Variants in TCERG1L observed in about 807,000 individuals in gnomAD.
TCERG1L encodes transcription elongation regulator 1 like.
TCERG1L carries 37 observed loss-of-function variants against 56.3 expected under a neutral mutation model. The ratio of observed to expected loss-of-function variants is 0.66; its 90% CI spans 0.51 to 0.87. TCERG1L has a LOEUF of 0.87. Ranked by LOEUF, TCERG1L falls within the 40% of genes least tolerant of loss-of-function variation. TCERG1L has a pLI of 0.00. For synonymous variants in TCERG1L, 324 were observed against 326.3 expected (o/e 0.99, Z 0.08); for missense variants, 799 against 774.2 (o/e 1.03, Z -0.38).
intron 3 of TCERG1L, among the ~76,000 whole-genome samples, chr10:131,304,964 C>T (rs1316778142): frequency 1.3e-5 from 2 of 152,130 alleles, no homozygotes; most frequent in African/African-American, 4.8e-5. Flanking sequence ...GCAGCCCACA[C>T]TTGGCTACTT....
chr10:131,125,854 A>G (rs1307420685), intron 8 of TCERG1L, among the ~76,000 whole-genome samples: 1 of 152,234 alleles, frequency 6.6e-6, no homozygotes, highest in Non-Finnish European at 1.5e-5. Flanking sequence ...AGGTGAACTC[A>G]GCAGGAGCAG....
intron 6 of TCERG1L, among the ~76,000 whole-genome samples, chr10:131,153,984 C>T (rs980735496): frequency 6.6e-6 from 1 of 152,168 alleles, no homozygotes; most frequent in East Asian, 1.9e-4. Flanking sequence ...GAGAAATCCA[C>T]CCATCCACTC....
At chr10:131,259,951 G>A (rs558916398) in intron 4 of TCERG1L, among the ~76,000 whole-genome samples, 19 of 152,364 alleles carry the variant, frequency 1.2e-4, no homozygotes, top group African/African-American at 4.1e-4. Context: ...ACTCCCAGAC[G>A]CATGCATGAC....
intron 4 of TCERG1L, among the ~76,000 whole-genome samples, chr10:131,252,352 G>A (rs1589762273): frequency 6.6e-6 from 1 of 152,274 alleles, no homozygotes; most frequent in African/African-American, 2.4e-5. Context: ...TTGCTTTAGG[G>A]ATGTTCGTTC....
intron 7 of TCERG1L, among the ~76,000 whole-genome samples, chr10:131,142,340 C>T (rs117511734): frequency 0.042 from 6,461 of 152,296 alleles, 165 homozygotes; most frequent in Middle Eastern, 0.14. Context: ...CCAAGTGCCC[C>T]GGCTGCCTGG....
Position 131,116,938 on chromosome 10 carries a change from C to T in TCERG1L, c.1260-4G>A, listed in dbSNP as rs1202597572. ...GGGACTCCCGCAGCCTTCGGTCCTTCAGGAACACAAGACGCAGAGTTAGAC... is the reference window on the plus strand; with the variant it reads ...GGGACTCCCGCAGCCTTCGGTCCTTTAGGAACACAAGACGCAGAGTTAGAC... On this transcript the variant is annotated splice_region_variant and splice_polypyrimidine_tract_variant and intron_variant, in intron 8 of 11. Transcript: ENST00000368642. The T allele has an allele frequency of 1.9e-6, 3 of 1,607,776 alleles. No individual in the cohort carries two copies. Among genetic ancestry groups the T allele is most frequent in the South Asian group, 1.1e-5 (1 of 89,534 alleles).
chr10:131,231,843 T>A (rs138213663), intron 4 of TCERG1L, among the ~76,000 whole-genome samples: 53 of 152,192 alleles, frequency 3.5e-4, no homozygotes, highest in African/African-American at 1.2e-3. Context: ...GGGCTCTCCC[T>A]CTCCACATGT....
chr10:131,133,912 C>T (rs540423956), intron 8 of TCERG1L, among the ~76,000 whole-genome samples: 22 of 152,328 alleles, frequency 1.4e-4, no homozygotes, highest in African/African-American at 4.8e-4. Flanking sequence ...CCACTGGGGC[C>T]TCTGCAAAGC....
chr10:131,284,351 T>A (rs1330004963), intron 3 of TCERG1L, among the ~76,000 whole-genome samples: 1 of 151,932 alleles, frequency 6.6e-6, no homozygotes, highest in African/African-American at 2.4e-5. Flanking sequence ...AATTTAAATA[T>A]GAAACTGAGT....
intron 9 of TCERG1L, among the ~76,000 whole-genome samples, chr10:131,115,186 G>A (rs1845444663): frequency 6.6e-6 from 1 of 152,220 alleles, no homozygotes; most frequent in Non-Finnish European, 1.5e-5. Flanking sequence ...GTCACTGGCT[G>A]GACACTTGGA....
intron 9 of TCERG1L, among the ~76,000 whole-genome samples, chr10:131,107,738 T>TAC (rs1486073056): frequency 6.6e-6 from 1 of 151,884 alleles, no homozygotes; most frequent in Non-Finnish European, 1.5e-5. Context: ...TGTGTGACTA[T>TAC]ACACACACAC....
intron 3 of TCERG1L, among the ~76,000 whole-genome samples, chr10:131,265,155 G>A (rs1258044881): frequency 7.2e-5 from 11 of 152,138 alleles, no homozygotes. Context: ...TGTTTTACAA[G>A]GAACAGATAC....
At position 131,203,702 on chromosome 10, in the gene TCERG1L, G is replaced by A. The variant is rs546417859; in HGVS notation, c.857-36817C>T. 2.7e-3 allele frequency among the ~76,000 whole-genome samples: 416 copies of A among 152,314 alleles called. 1 individual carries two copies. Among genetic ancestry groups the A allele is most frequent in the African/African-American group, 9.8e-3 (408 of 41,572 alleles). ...TGGAATCCAGAGGCCAGTAGGGGCC[G>A]GGAGGTGGGGAAGGCACTCTCCTAA... is the stretch of plus-strand genomic sequence containing the variant. On this transcript the variant is annotated intron_variant, in intron 4 of 11. Transcript: ENST00000368642.
intron 8 of TCERG1L, among the ~76,000 whole-genome samples, chr10:131,125,597 A>G: frequency 6.6e-6 from 1 of 152,236 alleles, no homozygotes; most frequent in East Asian, 1.9e-4. Context: ...TGTGCAGTGC[A>G]GAAACGTGCC....
At position 131,137,777 on chromosome 10, in the gene TCERG1L, C is replaced by T. The variant is rs377748830; in HGVS notation, c.1190-3329G>A. 4.6e-5 allele frequency among the ~76,000 whole-genome samples: 7 copies of T among 152,294 alleles called. No homozygotes were observed. The Middle Eastern group carries it at 0.01, about 222-fold the overall frequency. Reference sequence around the variant, plus strand: ...AGCTTTCCTAATTATGATCCAGACTCATAAACAAAAATATGTATAAATTTA... The same window carrying T: ...AGCTTTCCTAATTATGATCCAGACTTATAAACAAAAATATGTATAAATTTA... On this transcript the variant is annotated intron_variant, in intron 7 of 11. Coordinates refer to ENST00000368642, the MANE Select transcript of TCERG1L (RefSeq NM_174937.4).
At chr10:131,264,958 G>C (rs963432042) in intron 3 of TCERG1L, among the ~76,000 whole-genome samples, 3 of 152,200 alleles carry the variant, frequency 2.0e-5, no homozygotes, top group Non-Finnish European at 2.9e-5. Flanking sequence ...GAGGGAAAGA[G>C]AACGGGGAGT....
chr10:131,263,024 T>TGATA (rs1163138646), intron 3 of TCERG1L, among the ~76,000 whole-genome samples: 2 of 152,254 alleles, frequency 1.3e-5, no homozygotes, highest in Non-Finnish European at 2.9e-5. Context: ...TATTGTTGAA[T>TGATA]GATACTCCAT....
intron 6 of TCERG1L, among the ~76,000 whole-genome samples, chr10:131,158,077 G>A (rs953481482): frequency 2.6e-5 from 4 of 152,208 alleles, no homozygotes; most frequent in Non-Finnish European, 2.9e-5. Context: ...GCCACCTCTC[G>A]GCAGCGACAA....
chr10:131,132,095 G>T (rs1021267597), intron 8 of TCERG1L, among the ~76,000 whole-genome samples: 16 of 152,332 alleles, frequency 1.1e-4, no homozygotes, highest in Admixed American at 7.8e-4. Flanking sequence ...TGCTTCGGAA[G>T]AGCTTTGGGA....
Sources: allele counts gnomAD v4.1 joint callset (sites outside exome capture counted in the v4.1 genomes callset), GRCh38; gene constraint gnomAD v4.1.1; transcripts MANE v1.5; gene names NCBI Gene and HGNC (gene_info 2026-07-23, HGNC 2026-07-21).